The following MYO16 variants were observed in gnomAD, a reference collection of about 807,000 sequenced individuals.
MYO16 encodes the protein unconventional myosin-XVI.
A neutral mutation model predicts 205.3 loss-of-function variants in MYO16; 94 were observed. That is an observed-to-expected ratio of 0.46 (90% confidence interval 0.39 to 0.54). The LOEUF (loss-of-function observed/expected upper bound fraction) is 0.54, where lower values mean the gene tolerates loss of function less well. Among genes scored for constraint, MYO16 ranks in the 20% least tolerant of loss-of-function variants. The probability of loss-of-function intolerance (pLI) is 0.00; values close to 1 mark genes in which losing one functional copy is unlikely to be tolerated. For synonymous variants in MYO16, 988 were observed against 954.0 expected (o/e 1.04, Z -0.66); for missense variants, 2,315 against 2,387.5 (o/e 0.97, Z 0.63).
At chr13:109,059,024 C>T (rs9587766) in intron 27 of MYO16, among the ~76,000 whole-genome samples, 37,502 of 151,970 alleles carry the variant, frequency 0.25, 4,711 homozygotes, top group Admixed American at 0.28. Context: ...ATGAGGTTGC[C>T]GCAGTTCAGT....
chr13:108,663,554 A>G (rs867562722), intron 1 of MYO16, among the ~76,000 whole-genome samples: 1 of 152,170 alleles, frequency 6.6e-6, no homozygotes, highest in African/African-American at 2.4e-5. Context: ...AAATTTAACA[A>G]TTATGGTCTT....
Position 108,712,653 on chromosome 13 carries a change from G to A in MYO16, c.293-8G>A, listed in dbSNP as rs771130006. 6.2e-7 allele frequency: 1 copy of A among 1,613,728 alleles called. No individual in the cohort carries two copies. Among genetic ancestry groups the A allele is most frequent in the Non-Finnish European group, 8.5e-7 (1 of 1,179,576 alleles). On this transcript the variant is annotated splice_polypyrimidine_tract_variant and splice_region_variant and intron_variant, in intron 2 of 34. Transcript: ENST00000457511. ...CTGTAACTCCATTCTCCTCTCTGTT[G>A]TTTTCAGTGCTTCGGCTCCTGAAGG...
upstream of MYO16, among the ~76,000 whole-genome samples, chr13:108,592,066 T>G: frequency 1.0e-5 from 1 of 100,414 alleles, no homozygotes; most frequent in South Asian, 3.9e-4. Flanking sequence ...GTGTGTGGGA[T>G]GTGTGGGGGG....
chr13:108,812,781 T>G (rs568839142), intron 7 of MYO16, among the ~76,000 whole-genome samples: 1 of 152,222 alleles, frequency 6.6e-6, no homozygotes, highest in South Asian at 2.1e-4. Flanking sequence ...ATGAAAGGAT[T>G]AATACGACTA....
At position 108,851,079 on chromosome 13, in the gene MYO16, A is replaced by G. The variant is rs534087176; in HGVS notation, c.1249-4364A>G. Among the ~76,000 whole-genome samples the G allele has an allele frequency of 1.3e-5, 2 of 152,320 alleles. 1 individual carries two copies. The highest frequency in any genetic ancestry group is 4.8e-5 in the African/African-American group (2 of 41,580). ...ACTGTAAGAAGGATCTTATTATCTT[A>G]GCATAAATCATTACTCCTGAAGAAA... On this transcript the variant is annotated intron_variant, in intron 10 of 34. Coordinates refer to ENST00000457511, the MANE Select transcript of MYO16 (RefSeq NM_001198950.3).
At chr13:108,805,925 A>AAAATAAATAAATAAATAAAT (rs113156198) in intron 6 of MYO16, among the ~76,000 whole-genome samples, 15,868 of 136,870 alleles carry the variant, frequency 0.12, 1,089 homozygotes, top group East Asian at 0.17. Context: ...AGTCTCTACC[A>AAAATAAATAAATAAATAAAT]AAATAAATAA....
chr13:108,605,053 C>T (rs1409452379), intron 1 of MYO16, among the ~76,000 whole-genome samples: 1 of 152,136 alleles, frequency 6.6e-6, no homozygotes, highest in Non-Finnish European at 1.5e-5. Context: ...GGGAAACAAA[C>T]CATATCGGTA....
chr13:108,725,542 A>G (rs1884308531), intron 3 of MYO16, among the ~76,000 whole-genome samples: 1 of 152,104 alleles, frequency 6.6e-6, no homozygotes, highest in Non-Finnish European at 1.5e-5. Context: ...AGCAAAACAC[A>G]TCTAGTACTC....
chr13:108,971,895 T>G (rs1884026597), intron 20 of MYO16, among the ~76,000 whole-genome samples: 1 of 151,610 alleles, frequency 6.6e-6, no homozygotes. Context: ...ATGGGAATGG[T>G]GGCTGTAATG....
At chr13:109,199,194 A>T (rs1380099999) in intron 34 of MYO16, among the ~76,000 whole-genome samples, 4 of 1,350 alleles carry the variant, frequency 3.0e-3, no homozygotes, top group African/African-American at 0.012. Context: ...TAAAAAAGGT[A>T]TATATATATA....
the MYO16 span, among the ~76,000 whole-genome samples, chr13:108,578,358 C>T: frequency 6.6e-6 from 1 of 152,186 alleles, no homozygotes; most frequent in African/African-American, 2.4e-5. Flanking sequence ...CAAAATATCT[C>T]ATTGCAATCC....
At chr13:108,516,449 G>T in the MYO16 span, among the ~76,000 whole-genome samples, 1 of 152,132 alleles carries the variant, frequency 6.6e-6, no homozygotes, top group Admixed American at 6.5e-5. Context: ...CGTCGCTCAC[G>T]CTGGGAGCTG....
chr13:109,185,426 G>T (rs1474261375), intron 34 of MYO16, among the ~76,000 whole-genome samples: 1 of 151,936 alleles, frequency 6.6e-6, no homozygotes, highest in African/African-American at 2.4e-5. Flanking sequence ...AAGCTTACTT[G>T]CTCTTGTTAT....
At chr13:108,567,922 A>G in the MYO16 span, among the ~76,000 whole-genome samples, 1 of 152,016 alleles carries the variant, frequency 6.6e-6, no homozygotes, top group Non-Finnish European at 1.5e-5. Flanking sequence ...AGATTTCCTC[A>G]CCTATACTGA....
chr13:108,621,352 C>T (rs1471064687), intron 1 of MYO16, among the ~76,000 whole-genome samples: 9 of 152,236 alleles, frequency 5.9e-5, no homozygotes, highest in Middle Eastern at 3.4e-3. Context: ...GTTTTGCTCT[C>T]TGCAGTTTCA....
At chr13:109,040,049 G>C (rs1014910409) in intron 23 of MYO16, among the ~76,000 whole-genome samples, 2 of 151,962 alleles carry the variant, frequency 1.3e-5, no homozygotes, top group African/African-American at 2.4e-5. Flanking sequence ...ATTACAAACA[G>C]CTCTCACACA....
In MYO16 at chr13:108,883,178, C is replaced by T. The variant is rs369318472; in HGVS notation, c.1545C>T (p.Phe515=). The T allele has an allele frequency of 1.2e-3, 2,015 of 1,613,800 alleles. 28 individuals carry two copies. The South Asian group carries it at 0.021, about 16-fold the overall frequency. ...TCCGGGAACAGCGGCCTCAGTGTTTCATCCTCAGGTGAGTCCTCCTCAACC... is the reference window on the plus strand; with the variant it reads ...TCCGGGAACAGCGGCCTCAGTGTTTTATCCTCAGGTGAGTCCTCCTCAACC... ...QLFREQRPQC[F]ILSGERGSGK... The change falls in exon 13 of 35, where the codon TTC becomes TTT. Residue 515 remains phenylalanine (F), a synonymous_variant. Transcript: ENST00000457511.
intron 32 of MYO16, among the ~76,000 whole-genome samples, chr13:109,160,561 A>G (rs1022078984): frequency 6.6e-6 from 1 of 152,206 alleles, no homozygotes; most frequent in East Asian, 1.9e-4. Flanking sequence ...ACAGGATGCC[A>G]CTGAACTACA....
At chr13:109,094,514 A>G (rs9301352) in intron 27 of MYO16, among the ~76,000 whole-genome samples, 31,400 of 152,128 alleles carry the variant, frequency 0.21, 3,439 homozygotes, top group East Asian at 0.43. Flanking sequence ...CCCAGCCCTT[A>G]TTTACTTTTC....
Sources: gnomAD v4.1 joint callset for allele counts (sites outside exome capture counted in the v4.1 genomes callset) on GRCh38, gnomAD v4.1.1 for gene constraint, MANE v1.5 for transcripts, NCBI Gene and HGNC (gene_info 2026-07-23, HGNC 2026-07-21) for gene names.